Variants in PXDN observed in about 807,000 individuals in gnomAD.
The protein encoded by PXDN is peroxidasin homolog.
A neutral mutation model predicts 140.3 loss-of-function variants in PXDN; 77 were observed. That is an observed-to-expected ratio of 0.55 (90% confidence interval 0.46 to 0.66). The LOEUF (loss-of-function observed/expected upper bound fraction) is 0.66. Ranked by LOEUF, PXDN falls within the 30% of genes least tolerant of loss-of-function variation. The pLI, the probability that PXDN is intolerant of heterozygous loss-of-function variation, is 0.00. For missense variants in PXDN, 1,838 were observed against 2,039.5 expected, an observed-to-expected ratio of 0.90 and a Z score of 1.90; for synonymous variants, 911 against 857.4, an observed-to-expected ratio of 1.06 and a Z score of -1.09.
At chr2:1,641,562 G>C (rs73910809) in intron 19 of PXDN, among the ~76,000 whole-genome samples, 1 of 152,172 alleles carries the variant, frequency 6.6e-6, no homozygotes, top group African/African-American at 2.4e-5. Context: ...TATGGCTTTT[G>C]GGGTAAAATA....
In PXDN at chr2:1,649,801, G is replaced by A. The variant is rs907591878; in HGVS notation, c.2105-126C>T. 16 of 1,119,046 alleles carry A rather than the reference G, an allele frequency of 1.4e-5. No individual in the cohort carries two copies. Among genetic ancestry groups the A allele is most frequent in the African/African-American group, 3.1e-5 (2 of 64,768 alleles). 69.3% of individuals were successfully genotyped at this position (1,119,046 alleles called of 1,614,324 possible). On this transcript the variant is annotated intron_variant, in intron 16 of 22. Coordinates refer to ENST00000252804, the MANE Select transcript of PXDN (RefSeq NM_012293.3). The surrounding 1 kb of genome is among the most constrained non-coding windows in gnomAD (Gnocchi z 7.1). ...CCCCAGCTCATGAAACCTGTTGTGC[G>A]CCATGCAACAAGCGCTTCCTGCTGG... is the stretch of plus-strand genomic sequence containing the variant.
chr2:1,648,450 A>G lies in PXDN; in HGVS notation c.3330T>C (p.Asn1110=), dbSNP rs1682909445. 1 of 1,610,674 alleles carries G rather than the reference A, an allele frequency of 6.2e-7. No homozygotes were observed. The highest frequency in any genetic ancestry group is 1.3e-5 in the African/African-American group (1 of 75,044). Residue 1110 remains asparagine (N), a synonymous_variant, in exon 17 of 23, where the codon AAT becomes AAC. Coordinates refer to ENST00000252804, the MANE Select transcript of PXDN (RefSeq NM_012293.3). The surrounding 1 kb of genome is among the most constrained non-coding windows in gnomAD (Gnocchi z 8.9). ...KAFFSPFRIV[N]EGGIDPLLRG... is the part of the protein sequence containing the mutation. ...TGAGAAGCGGATCGATGCCGCCCTC[A>G]TTCACAATCCGGAAGGGAGAGAAGA...
At chr2:1,661,160 C>A in intron 13 of PXDN, 123 bp from the exon 14 acceptor site, 1 of 1,147,712 alleles carries the variant, frequency 8.7e-7, no homozygotes. Context: ...TCCCAGGCTG[C>A]GCTCAGATCC....
chr2:1,705,306 G>A (rs1684569751), intron 1 of PXDN, among the ~76,000 whole-genome samples: 1 of 152,318 alleles, frequency 6.6e-6, no homozygotes, highest in South Asian at 2.1e-4. Context: ...GTTGGGAGGG[G>A]TGAATGTAGG....
intron 10 of PXDN, 144 bp from the exon 11 acceptor site, chr2:1,665,218 C>T: frequency 1.5e-6 from 1 of 668,630 alleles, no homozygotes; most frequent in Non-Finnish European, 2.7e-6. Context: ...AGGCAGAGGG[C>T]ACAGGAGAAG....
chr2:1,642,645 T>C (rs1455743850), intron 19 of PXDN, among the ~76,000 whole-genome samples: 2 of 152,244 alleles, frequency 1.3e-5, no homozygotes, highest in Non-Finnish European at 2.9e-5. Context: ...TGATCATAGT[T>C]TGAATAAAGC....
intron 4 of PXDN, among the ~76,000 whole-genome samples, chr2:1,686,001 G>A (rs1684047617): frequency 6.6e-6 from 1 of 152,166 alleles, no homozygotes; most frequent in East Asian, 1.9e-4. Flanking sequence ...CCCCTGGACT[G>A]CATCCGGGCT....
At position 1,648,127 on chromosome 2, in the gene PXDN, G is replaced by A. The variant is rs917959984; in HGVS notation, c.3608+45C>T. The A allele has an allele frequency of 1.3e-6, 2 of 1,577,610 alleles. No individual in the cohort carries two copies. Among genetic ancestry groups the A allele is most frequent in the Non-Finnish European group, 1.7e-6 (2 of 1,157,186 alleles). Reference sequence around the variant, plus strand: ...CACACACCACAGTTCAGGTGTTCCAGGTGCCTAGGTACACGAGCCATCCCA... The same window carrying A: ...CACACACCACAGTTCAGGTGTTCCAAGTGCCTAGGTACACGAGCCATCCCA... On this transcript the variant is annotated intron_variant, in intron 17 of 22. Coordinates refer to ENST00000252804, the MANE Select transcript of PXDN (RefSeq NM_012293.3). The surrounding 1 kb of genome is among the most constrained non-coding windows in gnomAD (Gnocchi z 8.9).
At chr2:1,672,894 C>A (rs1459205941) in intron 9 of PXDN, among the ~76,000 whole-genome samples, 1 of 152,216 alleles carries the variant, frequency 6.6e-6, no homozygotes, top group East Asian at 1.9e-4. Context: ...GGAAGTTACA[C>A]CTGCAGCCTC....
Position 1,711,617 on chromosome 2 carries a change from T to TCTCCACCAGCACCCG in PXDN, c.201-18498_201-18484dup, listed in dbSNP as rs1449234011. Among the ~76,000 whole-genome samples the TCTCCACCAGCACCCG allele has an allele frequency of 1.3e-4, 8 of 59,686 alleles. No homozygotes were observed. In the East Asian group the frequency reaches 2.2e-3, roughly 16 times the overall value. 39.2% of individuals were successfully genotyped at this position (59,686 alleles called of 152,430 possible). On this transcript the variant is annotated intron_variant, in intron 1 of 22. Coordinates refer to ENST00000252804, the MANE Select transcript of PXDN (RefSeq NM_012293.3). ...GCACCCACTCTCCACCAGCACCCACTCTCCACCAGCACCCGCTCCACCAGC... is the reference window on the plus strand; with the variant it reads ...GCACCCACTCTCCACCAGCACCCACTCTCCACCAGCACCCGCTCCACCAGCACCCGCTCCACCAGC...
chr2:1,656,005 G>A (rs944678055), intron 14 of PXDN, among the ~76,000 whole-genome samples: 1 of 150,662 alleles, frequency 6.6e-6, no homozygotes, highest in African/African-American at 2.4e-5. Flanking sequence ...AGATACACAC[G>A]ACACTATACA....
intron 1 of PXDN, among the ~76,000 whole-genome samples, chr2:1,706,818 C>T: frequency 7.4e-6 from 1 of 135,982 alleles, no homozygotes; most frequent in Non-Finnish European, 1.5e-5. Flanking sequence ...TCGCCTGCCC[C>T]ACTAATAATA....
rs1296804841 is a variant in PXDN, at chr2:1,683,708, T to C, written c.508A>G (p.Ile170Val). 1 of 1,606,012 alleles carries C rather than the reference T, an allele frequency of 6.2e-7. No individual in the cohort carries two copies. ...AATGTCCCTGGAACTAAATGTGTAA[T>C]CCGGTTGTTATGCAAAAATCTGTTG... Reference protein sequence around the residue: ...LERLFLHNNRITHLVPGTFNH... With the variant: ...LERLFLHNNRVTHLVPGTFNH... The change falls in exon 6 of 23, where the codon ATT (isoleucine) becomes GTT (valine). Residue 170 changes from isoleucine (I) to valine (V), a missense_variant. By Grantham distance (29) the Ile-to-Val change is conservative (BLOSUM62 3). Around this residue, in one of 5 missense-constraint regions of PXDN, gnomAD observed 208 missense variants for 325.8 expected, o/e 0.64. Transcript: ENST00000252804.
At chr2:1,653,852 C>T in intron 15 of PXDN, 67 bp from the exon 16 acceptor site, 4 of 1,420,856 alleles carry the variant, frequency 2.8e-6, no homozygotes, top group African/African-American at 2.9e-5. Context: ...TTCATAGTAC[C>T]CCAAAATATA....
At chr2:1,668,015 C>T (rs902238131) in intron 9 of PXDN, among the ~76,000 whole-genome samples, 22 of 152,168 alleles carry the variant, frequency 1.4e-4, no homozygotes, top group African/African-American at 5.3e-4. Context: ...GCAAAAAGAA[C>T]AAAGCCGGAG....
chr2:1,653,472 CA>C (rs1490972577), intron 16 of PXDN, 155 bp downstream of exon 16: 1 of 1,148,052 alleles, frequency 8.7e-7, no homozygotes, highest in Non-Finnish European at 1.3e-6. Flanking sequence ...CTGTAGGGCT[CA>C]AGAGGAATCA....
At chr2:1,680,499 G>A (rs1024688846) in intron 6 of PXDN, 137 bp from the exon 7 acceptor site, 18 of 1,053,446 alleles carry the variant, frequency 1.7e-5, no homozygotes, top group Middle Eastern at 4.7e-4. Context: ...GATGGGACAC[G>A]TCTCGTGGTG....
At chr2:1,637,883 TCTCTA>T (rs1682610967) in intron 21 of PXDN, among the ~76,000 whole-genome samples, 1 of 11,660 alleles carries the variant, frequency 8.6e-5, no homozygotes, top group South Asian at 7.8e-3. Context: ...TTGCACCTGG[TCTCTA>T]GGTTGCGGAG....
At chr2:1,720,652 T>TCTCTCTCTGCATCTCTTTCC in intron 1 of PXDN, among the ~76,000 whole-genome samples, 1 of 151,380 alleles carries the variant, frequency 6.6e-6, no homozygotes, top group South Asian at 2.1e-4. Flanking sequence ...CATCTCTTTC[T>TCTCTCTCTGCATCTCTTTCC]CTCTCTCTGC....
Sources: gnomAD v4.1 joint callset for allele counts (sites outside exome capture counted in the v4.1 genomes callset) on GRCh38, gnomAD v4.1.1 for gene constraint, gnomAD v4.1.1 regional missense constraint, Gnocchi (gnomAD v3.1) non-coding constraint, MANE v1.5 for transcripts, NCBI Gene and HGNC (gene_info 2026-07-23, HGNC 2026-07-21) for gene names.